Variants in ASTN1 observed in about 807,000 individuals in gnomAD.
ASTN1 encodes the protein astrotactin 1, also known as astrotactin-1.
ASTN1 carries 41 observed loss-of-function variants against 140.7 expected under a neutral mutation model. That is an observed-to-expected ratio of 0.29 (90% CI 0.23 to 0.38). ASTN1 has a LOEUF of 0.38. ASTN1 is among the 10% of genes least tolerant of loss of function. The pLI is 1.00. For missense variants in ASTN1, 1,479 were observed against 1,678.8 expected (o/e 0.88, Z 2.08); for synonymous variants, 640 against 652.2 (o/e 0.98, Z 0.29).
chr1:176,957,965 A>G, intron 10 of ASTN1, 137 bp from the exon 11 acceptor site: 1 of 1,149,484 alleles, frequency 8.7e-7, no homozygotes, highest in Non-Finnish European at 1.2e-6. Flanking sequence ...GATCAACTAT[A>G]CTCCAAGCCT....
At position 176,934,357 on chromosome 1, in the gene ASTN1, C is replaced by T. The variant is rs1356553181; in HGVS notation, c.2483-17G>A. On this transcript the variant is annotated splice_polypyrimidine_tract_variant and intron_variant, in intron 15 of 22. Transcript: ENST00000361833. ...TGCTGAGGGCTATGGAGAGGCATCACCCAAGGGTAAGAATGAGGGCTCAGA... is the reference window on the plus strand; with the variant it reads ...TGCTGAGGGCTATGGAGAGGCATCATCCAAGGGTAAGAATGAGGGCTCAGA... 1 of 1,587,930 alleles carries T rather than the reference C, an allele frequency of 6.3e-7. No homozygotes were observed. Among genetic ancestry groups the T allele is most frequent in the South Asian group, 1.1e-5 (1 of 89,474 alleles).
chr1:177,164,648 A>T lies in ASTN1; in HGVS notation c.29T>A (p.Leu10His). The change falls in exon 1 of 23, where the codon CTC becomes CAC. Residue 10 changes from leucine (L) to histidine (H), a missense_variant. Around this residue, in one of 3 missense-constraint regions of ASTN1, gnomAD observed 729 missense variants for 860.4 expected, o/e 0.85. Transcript: ENST00000361833. The stretch of plus-strand genomic sequence containing the variant: ...CGCCGCCGGCCCCCAGCAGCAGGCG[A>T]GCAGGGCGCAGAGCCCGGCTAAAGC... MALAGLCAL[L>H]ACCWGPAAVL... 6.3e-7 allele frequency: 1 copy of T among 1,598,482 alleles called. No individual in the cohort carries two copies. Among genetic ancestry groups the T allele is most frequent in the Non-Finnish European group, 8.5e-7 (1 of 1,172,454 alleles).
At chr1:177,061,480 C>T (rs1403444324) in intron 1 of ASTN1, among the ~76,000 whole-genome samples, 1 of 152,160 alleles carries the variant, frequency 6.6e-6, no homozygotes, top group African/African-American at 2.4e-5. Flanking sequence ...GGTCTTTCCA[C>T]CATAAATCTA....
rs1668029060 is a variant in ASTN1 at position 176,863,383 on chromosome 1, A to C, written c.*901T>G. 1.0e-6 allele frequency: 1 copy of C among 985,774 alleles called. No homozygotes were observed. Among genetic ancestry groups the C allele is most frequent in the African/African-American group, 1.7e-5 (1 of 57,246 alleles). The allele number at this position is 985,774 out of a possible 1,614,324, so 61.1% of individuals were successfully genotyped here. A position where few individuals can be genotyped will look rare whatever the true frequency, so the allele number is the denominator to read the frequency against. On this transcript the variant is annotated 3_prime_UTR_variant, in exon 23 of 23. Coordinates refer to ENST00000361833, the MANE Select transcript of ASTN1 (RefSeq NM_004319.3). The stretch of plus-strand genomic sequence containing the variant: ...TCCAAGGTAAGAGGTGTGGGGGTTA[A>C]AGATAATCCAGGCACATGGATATAT...
rs1427295694 is a variant in ASTN1, at chr1:176,894,825, A to G, written c.2677T>C (p.Ser893Pro). Residue 893 changes from serine to proline, a missense_variant, in exon 17 of 23, where the codon TCC (serine) becomes CCC (proline). Ser to Pro is a moderately conservative substitution (Grantham distance 74, BLOSUM62 -1). Transcript: ENST00000361833. ...LEYEDISKGN[S>P]PSDESEERER... ...CGCTCCTCAGACTCATCTGATGGGGAGTTGCCTGCAGACACAAAATGGAAA... is the reference window on the plus strand; with the variant it reads ...CGCTCCTCAGACTCATCTGATGGGGGGTTGCCTGCAGACACAAAATGGAAA... 8.1e-6 allele frequency: 13 copies of G among 1,613,510 alleles called. No individual in the cohort carries two copies. The highest frequency in any genetic ancestry group is 1.0e-5 in the Non-Finnish European group (12 of 1,180,046).
chr1:177,156,417 A>G (rs905944039), intron 1 of ASTN1, among the ~76,000 whole-genome samples: 14 of 152,176 alleles, frequency 9.2e-5, no homozygotes, highest in African/African-American at 3.4e-4. Context: ...ACAAAAACTC[A>G]CATTGACTGG....
At chr1:177,060,845 T>C (rs1010543945) in intron 2 of ASTN1, among the ~76,000 whole-genome samples, 5 of 152,194 alleles carry the variant, frequency 3.3e-5, no homozygotes, top group African/African-American at 1.2e-4. Flanking sequence ...TTTCTTCATA[T>C]CTGAGCATGT....
chr1:177,002,729 C>A (rs979880985), intron 8 of ASTN1, among the ~76,000 whole-genome samples: 3 of 152,112 alleles, frequency 2.0e-5, no homozygotes, highest in African/African-American at 7.2e-5. Flanking sequence ...ATCCATTGTA[C>A]TGGCATAGGA....
intron 1 of ASTN1, among the ~76,000 whole-genome samples, chr1:177,148,757 AACTGAAGGCC>A (rs1682835627): frequency 6.6e-6 from 1 of 151,854 alleles, no homozygotes; most frequent in South Asian, 2.1e-4. Context: ...TGACAAATGC[AACTGAAGGCC>A]ACTGAGATGA....
Position 176,965,148 on chromosome 1 carries a change from T to C in ASTN1, c.1598+15A>G. The C allele has an allele frequency of 1.2e-6, 2 of 1,612,862 alleles. No individual in the cohort carries two copies. The highest frequency in any genetic ancestry group is 1.7e-4 in the Middle Eastern group (1 of 6,054). On this transcript the variant is annotated intron_variant, in intron 9 of 22. Coordinates refer to ENST00000361833, the MANE Select transcript of ASTN1 (RefSeq NM_004319.3). ...TTGCAGACGTACATAAGCAAGTCCC[T>C]AGACAATCACTTACCTAAATATTTT... is the stretch of plus-strand genomic sequence containing the variant.
intron 1 of ASTN1, among the ~76,000 whole-genome samples, chr1:177,161,837 G>T (rs987698435): frequency 1.3e-5 from 2 of 152,086 alleles, no homozygotes; most frequent in African/African-American, 4.8e-5. Context: ...ATCTGCTCTT[G>T]TCATGCAAGC....
intron 17 of ASTN1, among the ~76,000 whole-genome samples, chr1:176,889,743 T>C (rs1669186015): frequency 6.6e-6 from 1 of 152,164 alleles, no homozygotes; most frequent in African/African-American, 2.4e-5. Context: ...GCTAACACTT[T>C]GATGAATGGT....
intron 8 of ASTN1, among the ~76,000 whole-genome samples, chr1:177,008,622 G>C (rs374359396): frequency 6.6e-6 from 1 of 150,442 alleles, no homozygotes; most frequent in Non-Finnish European, 1.5e-5. Context: ...AGGAGGAAGA[G>C]AAGAAGAAGG....
At chr1:177,085,730 G>A (rs1679432491) in intron 1 of ASTN1, among the ~76,000 whole-genome samples, 1 of 152,182 alleles carries the variant, frequency 6.6e-6, no homozygotes, top group Admixed American at 6.5e-5. Flanking sequence ...TCACACAATT[G>A]TTGGCACAGA....
At chr1:176,931,807 G>C (rs1671214787) in intron 16 of ASTN1, among the ~76,000 whole-genome samples, 1 of 152,224 alleles carries the variant, frequency 6.6e-6, no homozygotes, top group Admixed American at 6.5e-5. Context: ...TGCTTACCAT[G>C]TGCTTGGCTC....
intron 1 of ASTN1, among the ~76,000 whole-genome samples, chr1:177,065,481 C>T (rs1678310377): frequency 6.6e-6 from 1 of 152,154 alleles, no homozygotes; most frequent in African/African-American, 2.4e-5. Context: ...AAGACATGAT[C>T]ATGAAGAAGT....
At chr1:176,945,886 A>C in intron 13 of ASTN1, 40 bp downstream of exon 13, 3 of 1,533,924 alleles carry the variant, frequency 2.0e-6, no homozygotes, top group Non-Finnish European at 2.6e-6. Context: ...AAAGTCCACC[A>C]ACAGTCTTGA....
chr1:177,014,728 G>A (rs181874078), intron 8 of ASTN1, 63 bp downstream of exon 8: 35 of 1,460,546 alleles, frequency 2.4e-5, no homozygotes, highest in Admixed American at 8.5e-5. Context: ...GTTGCTCCAC[G>A]TCATGTCTGT....
At chr1:177,044,176 TACAC>T (rs3979531) in intron 2 of ASTN1, among the ~76,000 whole-genome samples, 76 of 143,380 alleles carry the variant, frequency 5.3e-4, no homozygotes, top group African/African-American at 1.8e-3. Context: ...AAAAAAAAAA[TACAC>T]ACACACACAC....
Sources: gnomAD v4.1 joint callset for allele counts (sites outside exome capture counted in the v4.1 genomes callset) on GRCh38, gnomAD v4.1.1 for gene constraint, gnomAD v4.1.1 regional missense constraint, MANE v1.5 for transcripts, NCBI Gene and HGNC (gene_info 2026-07-23, HGNC 2026-07-21) for gene names.